The following SGK3 variants were observed in gnomAD, a reference collection of about 807,000 sequenced individuals.
SGK3 encodes serine/threonine-protein kinase Sgk3.
A neutral mutation model predicts 68.5 loss-of-function variants in SGK3; 47 were observed. That is an observed-to-expected ratio of 0.69 (90% CI 0.54 to 0.87). The LOEUF is 0.87. Ranked by LOEUF, SGK3 falls within the 40% of genes least tolerant of loss-of-function variation. The pLI is 0.00. For missense variants in SGK3, 479 were observed against 575.5 expected, an observed-to-expected ratio of 0.83 and a Z score of 1.72; for synonymous variants, 181 against 189.1, an observed-to-expected ratio of 0.96 and a Z score of 0.35.
chr8:66,732,940 T>C (rs1805211763), intron 1 of SGK3, among the ~76,000 whole-genome samples: 1 of 152,178 alleles, frequency 6.6e-6, no homozygotes. Flanking sequence ...GTAGTTAGAG[T>C]GATCTCTTAT....
At chr8:66,841,190 A>C in intron 13 of SGK3, 80 bp downstream of exon 13, 9 of 1,139,904 alleles carry the variant, frequency 7.9e-6, no homozygotes, top group Non-Finnish European at 1.1e-5. Context: ...ATATAAATTT[A>C]AAATAAGAAA....
rs752734301 is a variant in SGK3, at chr8:66,822,373, C to A, written c.331C>A (p.Pro111Thr). The change falls in exon 6 of 17, where the codon CCA (proline) becomes ACA (threonine). Residue 111 changes from proline to threonine, a missense_variant and splice_region_variant. Around this residue, in one of 3 missense-constraint regions of SGK3, gnomAD observed 298 missense variants for 329.4 expected, o/e 0.90. Transcript: ENST00000521198. ...AATAAAGTTAATTTTTGTTTTTAGTCCAGATGTCAGAGCATTCCTTCAAAT... is the reference window on the plus strand; with the variant it reads ...AATAAAGTTAATTTTTGTTTTTAGTACAGATGTCAGAGCATTCCTTCAAAT... ...LVRYPELYNH[P>T]DVRAFLQMDS... is the part of the protein sequence containing the mutation. The A allele has an allele frequency of 1.4e-5, 22 of 1,601,302 alleles. No homozygotes were observed. In the East Asian group the frequency reaches 1.8e-4, roughly 13 times the overall value.
At chr8:66,730,558 T>A (rs1805121080) in intron 1 of SGK3, among the ~76,000 whole-genome samples, 1 of 152,208 alleles carries the variant, frequency 6.6e-6, no homozygotes, top group Non-Finnish European at 1.5e-5. Context: ...TGCTGTCTTC[T>A]AAGAGCTTCA....
At chr8:66,742,111 A>G (rs1331817696) in intron 1 of SGK3, among the ~76,000 whole-genome samples, 1 of 152,206 alleles carries the variant, frequency 6.6e-6, no homozygotes. Context: ...AAAGTGGGCA[A>G]AGTTTCTTAA....
chr8:66,767,714 C>G (rs1806364592), intron 1 of SGK3: 2 of 1,496,232 alleles, frequency 1.3e-6, no homozygotes, highest in African/African-American at 2.8e-5. Flanking sequence ...TTTGCTTTAA[C>G]AGTCTTCTCA....
intron 4 of SGK3, among the ~76,000 whole-genome samples, chr8:66,806,499 G>A (rs991402281): frequency 2.0e-5 from 3 of 152,134 alleles, no homozygotes; most frequent in South Asian, 2.1e-4. Context: ...TTTTCGCAGC[G>A]GAACACTTTT....
At chr8:66,780,714 A>G (rs1045482296) in intron 1 of SGK3, among the ~76,000 whole-genome samples, 2 of 152,228 alleles carry the variant, frequency 1.3e-5, no homozygotes, top group African/African-American at 4.8e-5. Context: ...GCAGAATAAC[A>G]TTAGGCCCTG....
intron 6 of SGK3, among the ~76,000 whole-genome samples, chr8:66,824,476 G>C (rs1808974186): frequency 6.6e-6 from 1 of 151,990 alleles, no homozygotes; most frequent in Admixed American, 6.6e-5. Context: ...AAAATGTACA[G>C]TAAAATATTG....
chr8:66,812,296 C>T (rs909959604), intron 4 of SGK3, among the ~76,000 whole-genome samples: 6 of 152,032 alleles, frequency 3.9e-5, no homozygotes, highest in Admixed American at 1.3e-4. Context: ...CGGTGGGTCA[C>T]GCCTGTAATC....
rs556372577 is a variant in SGK3 at position 66,805,891 on chromosome 8, TC to T, written c.253+1447del. On this transcript the variant is annotated intron_variant, in intron 4 of 16. Coordinates refer to ENST00000521198, the MANE Select transcript of SGK3 (RefSeq NM_001033578.3). ...ACTACTCAAGATAAAAGCTCTAAGGTCCCTTATATTGAGTGTGCTTTCTCTC... is the reference window on the plus strand; with the variant it reads ...ACTACTCAAGATAAAAGCTCTAAGGTCCTTATATTGAGTGTGCTTTCTCTC... Among the ~76,000 whole-genome samples, 61 of 152,256 alleles carry T rather than the reference TC, an allele frequency of 4.0e-4. 1 individual carries two copies. The highest frequency in any genetic ancestry group is 6.2e-4 in the South Asian group (3 of 4,816).
chr8:66,736,679 G>C (rs191558945), intron 1 of SGK3, among the ~76,000 whole-genome samples: 181 of 151,714 alleles, frequency 1.2e-3, no homozygotes, highest in Non-Finnish European at 3.7e-4. Context: ...GAGTGCAATG[G>C]CGCAATCTCA....
intron 1 of SGK3, chr8:66,737,552 G>A (rs1284208405): frequency 6.6e-6 from 1 of 151,536 alleles, no homozygotes; most frequent in Non-Finnish European, 1.5e-5. Flanking sequence ...TCTTCAGGCT[G>A]TATTATATGC....
chr8:66,784,964 A>G (rs1807140567), intron 1 of SGK3, among the ~76,000 whole-genome samples: 1 of 152,132 alleles, frequency 6.6e-6, no homozygotes, highest in African/African-American at 2.4e-5. Flanking sequence ...CTTGGTTGTC[A>G]TCGTGATGGG....
chr8:66,843,668 G>A, intron 14 of SGK3, 121 bp downstream of exon 14: 2 of 1,037,894 alleles, frequency 1.9e-6, no homozygotes, highest in Non-Finnish European at 2.7e-6. Flanking sequence ...GTAATAGTCT[G>A]GTTAAATGAA....
chr8:66,806,139 G>T (rs1808151311), intron 4 of SGK3, among the ~76,000 whole-genome samples: 1 of 151,958 alleles, frequency 6.6e-6, no homozygotes, highest in Non-Finnish European at 1.5e-5. Flanking sequence ...CTCTGGTTTG[G>T]AGAATGTTCT....
intron 8 of SGK3, among the ~76,000 whole-genome samples, chr8:66,833,761 G>A (rs1456306441): frequency 3.3e-5 from 5 of 152,076 alleles, no homozygotes; most frequent in African/African-American, 2.4e-5. Context: ...GCGCAATCTC[G>A]GCTCACTGCA....
At chr8:66,813,219 A>C (rs1808449367) in intron 4 of SGK3, among the ~76,000 whole-genome samples, 1 of 152,224 alleles carries the variant, frequency 6.6e-6, no homozygotes. Flanking sequence ...ACACCACTGC[A>C]CTCCAGCCTG....
chr8:66,820,447 T>C (rs1808765814), intron 5 of SGK3, among the ~76,000 whole-genome samples: 1 of 152,210 alleles, frequency 6.6e-6, no homozygotes, highest in Admixed American at 6.5e-5. Flanking sequence ...GTTTATCCAT[T>C]CATCTATTGG....
intron 6 of SGK3, among the ~76,000 whole-genome samples, chr8:66,823,355 ATG>A (rs1169183597): frequency 2.0e-5 from 3 of 150,078 alleles, no homozygotes; most frequent in African/African-American, 4.9e-5. Flanking sequence ...TACATAATTA[ATG>A]TGTGTTCCTA....
Sources: allele counts gnomAD v4.1 joint callset (sites outside exome capture counted in the v4.1 genomes callset), GRCh38; gene constraint gnomAD v4.1.1; regional missense constraint gnomAD v4.1.1; transcripts MANE v1.5; gene names NCBI Gene and HGNC (gene_info 2026-07-23, HGNC 2026-07-21).